The following RFX4 variants were observed in gnomAD, a reference collection of about 807,000 sequenced individuals.
RFX4 encodes the protein regulatory factor X4, also known as transcription factor RFX4.
Under a neutral mutation model 95.0 loss-of-function variants are expected in RFX4, and 10 were observed. That is an observed-to-expected ratio of 0.11 (90% CI 0.06 to 0.18). The LOEUF (loss-of-function observed/expected upper bound fraction) is 0.18. Ranked by LOEUF, RFX4 falls within the 10% of genes least tolerant of loss-of-function variation. The pLI is 1.00. For missense variants in RFX4, 640 were observed against 922.0 expected (o/e 0.69, Z 3.96); for synonymous variants, 321 against 340.7 (o/e 0.94, Z 0.64).
At chr12:106,637,739 C>A (rs923456359) in intron 2 of RFX4, among the ~76,000 whole-genome samples, 4 of 152,098 alleles carry the variant, frequency 2.6e-5, no homozygotes, top group Non-Finnish European at 4.4e-5. Context: ...GTGACAAATT[C>A]TTTTTAGATA....
intron 8 of RFX4, among the ~76,000 whole-genome samples, chr12:106,704,923 G>A (rs555650486): frequency 2.0e-5 from 3 of 152,256 alleles, no homozygotes; most frequent in East Asian, 1.9e-4. Context: ...AATGCCAAAG[G>A]AATAGCAACA....
chr12:106,760,684 T>C (rs1254177040), intron 17 of RFX4, among the ~76,000 whole-genome samples: 1 of 152,246 alleles, frequency 6.6e-6, no homozygotes, highest in Admixed American at 6.5e-5. Context: ...AAGTTTATAA[T>C]TGAATTCAAC....
intron 1 of RFX4, among the ~76,000 whole-genome samples, chr12:106,587,070 G>C (rs1228576896): frequency 6.6e-6 from 1 of 152,246 alleles, no homozygotes; most frequent in Non-Finnish European, 1.5e-5. Context: ...GGTCAAGTGA[G>C]AGCCGCATGG....
chr12:106,739,077 A>C (rs1326319376), intron 15 of RFX4, among the ~76,000 whole-genome samples: 2 of 151,920 alleles, frequency 1.3e-5, no homozygotes, highest in African/African-American at 4.8e-5. Flanking sequence ...GTTTTGAAGT[A>C]GTTTATAATA....
chr12:106,674,266 C>T (rs1407140983), intron 4 of RFX4, among the ~76,000 whole-genome samples: 3 of 152,134 alleles, frequency 2.0e-5, no homozygotes, highest in East Asian at 1.9e-4. Context: ...GGTCACTACT[C>T]GGATGCCACA....
At chr12:106,635,123 T>C (rs1374466643) in intron 2 of RFX4, among the ~76,000 whole-genome samples, 3 of 152,164 alleles carry the variant, frequency 2.0e-5, no homozygotes, top group Admixed American at 6.5e-5. Context: ...GGCCAGTAAG[T>C]GTTAGGATTA....
At chr12:106,719,202 T>A (rs2042351791) in intron 11 of RFX4, among the ~76,000 whole-genome samples, 1 of 152,114 alleles carries the variant, frequency 6.6e-6, no homozygotes, top group Non-Finnish European at 1.5e-5. Flanking sequence ...TGTAAAGTGG[T>A]AGGATTATCT....
chr12:106,745,010 GCTC>G (rs2042867191), intron 15 of RFX4, among the ~76,000 whole-genome samples: 1 of 152,098 alleles, frequency 6.6e-6, no homozygotes, highest in South Asian at 2.1e-4. Context: ...CAGTCTTAGT[GCTC>G]CTAACTATTC....
intron 2 of RFX4, among the ~76,000 whole-genome samples, chr12:106,609,479 T>A (rs1565948707): frequency 2.0e-5 from 3 of 152,212 alleles, no homozygotes; most frequent in African/African-American, 7.2e-5. Context: ...GATCAGCTTA[T>A]TATAAGTCTA....
intron 9 of RFX4, among the ~76,000 whole-genome samples, 167 bp from the exon 10 acceptor site, chr12:106,711,286 A>T (rs771219683): frequency 2.6e-5 from 4 of 152,228 alleles, no homozygotes; most frequent in Non-Finnish European, 5.9e-5. Context: ...ATGGGAGAAC[A>T]AAGAATCAAG....
chr12:106,608,733 A>G (rs1032691600), intron 1 of RFX4, 64 bp from the exon 2 acceptor site: 10 of 1,434,496 alleles, frequency 7.0e-6, no homozygotes, highest in Middle Eastern at 1.9e-4. Flanking sequence ...AAACACCCAC[A>G]GCAATTCTGT....
intron 2 of RFX4, among the ~76,000 whole-genome samples, chr12:106,632,676 GTT>G (rs2040439129): frequency 6.6e-6 from 1 of 152,146 alleles, no homozygotes; most frequent in Admixed American, 6.5e-5. Flanking sequence ...TTTTTGTTTT[GTT>G]TTGTTTTAAT....
At chr12:106,631,321 TC>T (rs2040411697) in intron 2 of RFX4, among the ~76,000 whole-genome samples, 1 of 152,214 alleles carries the variant, frequency 6.6e-6, no homozygotes, top group African/African-American at 2.4e-5. Context: ...AAGTGCTTCC[TC>T]CGACCCTACC....
rs2043225294 is a variant in RFX4, at chr12:106,762,708, G to C, written c.*1239G>C. The C allele has an allele frequency of 6.6e-6, 1 of 152,468 alleles. No individual in the cohort carries two copies. Among genetic ancestry groups the C allele is most frequent in the African/African-American group, 2.4e-5 (1 of 41,392 alleles). The allele number at this position is 152,468 out of a possible 1,614,324, so 9.4% of individuals were successfully genotyped here. ...AATCTTTGATCACACCACTCAGTGT[G>C]ATAATTGTGTCTACAGCTAAAATGG... On this transcript the variant is annotated 3_prime_UTR_variant, in exon 18 of 18. Coordinates refer to ENST00000392842, the MANE Select transcript of RFX4 (RefSeq NM_213594.3).
At chr12:106,694,194 A>G (rs1416800089) in intron 7 of RFX4, among the ~76,000 whole-genome samples, 2 of 152,204 alleles carry the variant, frequency 1.3e-5, no homozygotes, top group Non-Finnish European at 2.9e-5. Flanking sequence ...CACTACGATC[A>G]TGTTTTCGGC....
intron 4 of RFX4, among the ~76,000 whole-genome samples, chr12:106,667,825 A>G (rs918533117): frequency 2.6e-5 from 4 of 152,174 alleles, no homozygotes; most frequent in African/African-American, 9.7e-5. Flanking sequence ...CTTCTTATAT[A>G]CAGAAAACCA....
intron 15 of RFX4, among the ~76,000 whole-genome samples, chr12:106,739,408 T>A (rs1328677512): frequency 6.6e-6 from 1 of 152,202 alleles, no homozygotes; most frequent in Non-Finnish European, 1.5e-5. Flanking sequence ...AACAGTATTA[T>A]GTGTGCTCGG....
In RFX4 at chr12:106,608,755, T is replaced by C. The variant is rs567528759; in HGVS notation, c.44-42T>C. The C allele has an allele frequency of 2.1e-5, 33 of 1,546,622 alleles. No individual in the cohort carries two copies. The East Asian group carries it at 6.9e-4, about 33-fold the overall frequency. On this transcript the variant is annotated intron_variant, in intron 1 of 17. Coordinates refer to ENST00000392842, the MANE Select transcript of RFX4 (RefSeq NM_213594.3). ...CACAGCAATTCTGTGATTTTCTTTT[T>C]TCTTTTTCTTTTCTTTCTTTCTTTC...
chr12:106,743,236 A>G (rs1256816728), intron 15 of RFX4, among the ~76,000 whole-genome samples: 2 of 152,352 alleles, frequency 1.3e-5, no homozygotes, highest in African/African-American at 4.8e-5. Flanking sequence ...AAGATTTGCT[A>G]TTGTTTTACC....
Sources: gnomAD v4.1 joint callset for allele counts (sites outside exome capture counted in the v4.1 genomes callset) on GRCh38, gnomAD v4.1.1 for gene constraint, MANE v1.5 for transcripts, NCBI Gene and HGNC (gene_info 2026-07-23, HGNC 2026-07-21) for gene names.